KLHL1: variants seen among roughly 807,000 people sequenced by gnomAD.
KLHL1 encodes the protein kelch-like protein 1.
KLHL1 carries 47 observed loss-of-function variants against 77.7 expected under a neutral mutation model. The observed-to-expected ratio is 0.60, with a 90% confidence interval of 0.48 to 0.77. The LOEUF is 0.77. Among genes scored for constraint, KLHL1 ranks in the 30% least tolerant of loss-of-function variants. The probability of loss-of-function intolerance (pLI) is 0.00; values close to 1 mark genes in which losing one functional copy is unlikely to be tolerated. For missense variants in KLHL1, 925 were observed against 910.8 expected (o/e 1.02, Z -0.20); for synonymous variants, 360 against 325.2 (o/e 1.11, Z -1.15).
chr13:70,040,199 G>A (rs567246440), intron 1 of KLHL1, among the ~76,000 whole-genome samples: 2 of 152,222 alleles, frequency 1.3e-5, no homozygotes, highest in Admixed American at 1.3e-4. Flanking sequence ...TCAATGGAAT[G>A]TTTTTACTTA....
chr13:70,047,218 CTT>C (rs1231202994), intron 1 of KLHL1, among the ~76,000 whole-genome samples: 1 of 148,974 alleles, frequency 6.7e-6, no homozygotes, highest in Non-Finnish European at 1.5e-5. Context: ...CATAAGAAAA[CTT>C]ATAAAACTTG....
chr13:69,978,020 T>C (rs185450896), intron 1 of KLHL1, among the ~76,000 whole-genome samples: 1 of 152,248 alleles, frequency 6.6e-6, no homozygotes, highest in Admixed American at 6.5e-5. Context: ...ATATTTGAAA[T>C]TAATACAAAT....
intron 4 of KLHL1, among the ~76,000 whole-genome samples, chr13:69,916,392 A>G (rs1593946525): frequency 1.3e-5 from 2 of 152,204 alleles, no homozygotes; most frequent in Admixed American, 1.3e-4. Flanking sequence ...CATATACACC[A>G]TGGAATACTA....
At chr13:69,729,613 G>T (rs938601492) in intron 8 of KLHL1, among the ~76,000 whole-genome samples, 1 of 151,996 alleles carries the variant, frequency 6.6e-6, no homozygotes, top group Non-Finnish European at 1.5e-5. Flanking sequence ...TGAAGTAAAA[G>T]GTCATTTTCT....
intron 7 of KLHL1, among the ~76,000 whole-genome samples, chr13:69,790,683 A>T (rs1876829458): frequency 6.6e-6 from 1 of 151,970 alleles, no homozygotes; most frequent in African/African-American, 2.4e-5. Context: ...AATTAATTGA[A>T]AAAAGACAAA....
At chr13:69,705,574 G>C (rs1593758859) in intron 10 of KLHL1, among the ~76,000 whole-genome samples, 1 of 151,816 alleles carries the variant, frequency 6.6e-6, no homozygotes, top group Non-Finnish European at 1.5e-5. Flanking sequence ...AAGTAGGCTA[G>C]AATCCTGAAA....
chr13:69,758,204 A>G (rs1874856153), intron 7 of KLHL1, among the ~76,000 whole-genome samples: 2 of 152,018 alleles, frequency 1.3e-5, no homozygotes, highest in African/African-American at 2.4e-5. Context: ...TCTCTTATTA[A>G]TGATGATATA....
chr13:69,981,592 T>C (rs1884709809), intron 1 of KLHL1, among the ~76,000 whole-genome samples: 1 of 152,066 alleles, frequency 6.6e-6, no homozygotes, highest in African/African-American at 2.4e-5. Flanking sequence ...TCAGGCAATG[T>C]ATATGTCTTT....
intron 4 of KLHL1, among the ~76,000 whole-genome samples, chr13:69,932,353 A>T (rs1442456812): frequency 6.6e-6 from 1 of 151,718 alleles, no homozygotes; most frequent in African/African-American, 2.4e-5. Flanking sequence ...TTTGTGGAAG[A>T]CTGTGCTTTA....
In KLHL1 at chr13:69,975,632, A is replaced by G. The variant is rs1286447281; in HGVS notation, c.668T>C (p.Ile223Thr). The stretch of plus-strand genomic sequence containing the variant: ...CAGACTACTGTACCTATGTGCAGGT[A>G]TCTTTCGGTTCCCAACAATCAGGAT... ...DVILIVGNRK[I>T]PAHRLVLSSV... Residue 223 changes from isoleucine (I) to threonine (T), a missense_variant, in exon 2 of 11, where the codon ATA (isoleucine) becomes ACA (threonine). By Grantham distance (89) the Ile-to-Thr change is moderately conservative (BLOSUM62 -1). Transcript: ENST00000377844. 1 of 1,613,134 alleles carries G rather than the reference A, an allele frequency of 6.2e-7. No individual in the cohort carries two copies. The highest frequency in any genetic ancestry group is 8.5e-7 in the Non-Finnish European group (1 of 1,179,602).
At chr13:70,042,830 T>A (rs76875650) in intron 1 of KLHL1, among the ~76,000 whole-genome samples, 8,725 of 152,180 alleles carry the variant, frequency 0.057, 839 homozygotes, top group African/African-American at 0.2. Context: ...TCCATGCTAG[T>A]CATTGCCCCT....
At chr13:70,004,799 T>A (rs578205816) in intron 1 of KLHL1, among the ~76,000 whole-genome samples, 2 of 151,778 alleles carry the variant, frequency 1.3e-5, no homozygotes, top group Non-Finnish European at 2.9e-5. Context: ...AAATCAAAAT[T>A]ACTGTACTAA....
intron 1 of KLHL1, among the ~76,000 whole-genome samples, chr13:70,008,005 T>C (rs1223018168): frequency 6.6e-6 from 1 of 152,006 alleles, no homozygotes; most frequent in African/African-American, 2.4e-5. Flanking sequence ...AAAATTAATG[T>C]AGTATGGCAT....
At chr13:69,951,479 T>C (rs1166621294) in intron 3 of KLHL1, among the ~76,000 whole-genome samples, 1 of 151,426 alleles carries the variant, frequency 6.6e-6, no homozygotes. Flanking sequence ...TCTTCCGTCT[T>C]GAGATGCTTA....
At chr13:69,920,748 C>A (rs913502902) in intron 4 of KLHL1, among the ~76,000 whole-genome samples, 4 of 151,994 alleles carry the variant, frequency 2.6e-5, no homozygotes, top group African/African-American at 9.7e-5. Context: ...AGAAGTTTTC[C>A]ATTCACAATT....
intron 6 of KLHL1, among the ~76,000 whole-genome samples, chr13:69,819,226 A>G (rs894602089): frequency 1.3e-5 from 2 of 152,208 alleles, no homozygotes; most frequent in African/African-American, 2.4e-5. Context: ...TGAATTCAGG[A>G]TAAATGATCT....
At chr13:69,729,475 G>T (rs1566189269) in intron 8 of KLHL1, among the ~76,000 whole-genome samples, 1 of 152,020 alleles carries the variant, frequency 6.6e-6, no homozygotes, top group Non-Finnish European at 1.5e-5. Context: ...CAACAGCCAG[G>T]TTAGAATGAC....
At chr13:69,871,584 T>C (rs1363940297) in intron 5 of KLHL1, among the ~76,000 whole-genome samples, 1 of 152,176 alleles carries the variant, frequency 6.6e-6, no homozygotes, top group Non-Finnish European at 1.5e-5. Flanking sequence ...TGGCTGCTGA[T>C]ATGATTATAA....
intron 6 of KLHL1, among the ~76,000 whole-genome samples, chr13:69,836,613 C>T (rs934315869): frequency 2.0e-5 from 3 of 151,972 alleles, no homozygotes; most frequent in African/African-American, 7.2e-5. Context: ...TTCTGTTACT[C>T]TAAGTGTTTG....
Sources: gnomAD v4.1 joint callset for allele counts (sites outside exome capture counted in the v4.1 genomes callset) on GRCh38, gnomAD v4.1.1 for gene constraint, MANE v1.5 for transcripts, NCBI Gene and HGNC (gene_info 2026-07-23, HGNC 2026-07-21) for gene names.